The following ATP8A2 variants were observed in gnomAD, a reference collection of about 807,000 sequenced individuals.
The protein encoded by ATP8A2 is ATPase phospholipid transporting 8A2, also known as phospholipid-transporting ATPase IB.
In ATP8A2, 100 loss-of-function variants were observed where a neutral mutation model predicts 165.6. The ratio of observed to expected loss-of-function variants is 0.60; its 90% confidence interval spans 0.51 to 0.71. ATP8A2 has a LOEUF of 0.71. ATP8A2 is among the 30% of genes least tolerant of loss of function. ATP8A2 has a pLI of 0.00. For synonymous variants in ATP8A2, 543 were observed against 548.8 expected (o/e 0.99, Z 0.15); for missense variants, 1,227 against 1,479.5 (o/e 0.83, Z 2.80).
intron 24 of ATP8A2, among the ~76,000 whole-genome samples, chr13:25,632,321 C>G (rs1008927502): frequency 6.6e-6 from 1 of 152,100 alleles, no homozygotes; most frequent in African/African-American, 2.4e-5. Flanking sequence ...CCTTCAGCCC[C>G]TCCCCTCCCT....
chr13:25,572,930 T>C (rs770063778), intron 18 of ATP8A2, among the ~76,000 whole-genome samples: 18 of 152,244 alleles, frequency 1.2e-4, no homozygotes, highest in Non-Finnish European at 1.6e-4. Context: ...AAATATCTTA[T>C]CTTATACAAA....
At chr13:25,858,932 C>T (rs921749325) in intron 30 of ATP8A2, among the ~76,000 whole-genome samples, 1 of 152,030 alleles carries the variant, frequency 6.6e-6, no homozygotes, top group Non-Finnish European at 1.5e-5. Flanking sequence ...ATGCCAGGCA[C>T]GGTGGCTCAC....
At chr13:25,413,925 A>G (rs1386888051) in intron 1 of ATP8A2, among the ~76,000 whole-genome samples, 1 of 151,880 alleles carries the variant, frequency 6.6e-6, no homozygotes, top group African/African-American at 2.4e-5. Flanking sequence ...GATTGACTGA[A>G]AATCTTCAAT....
chr13:25,579,321 A>G (rs2039704155), intron 21 of ATP8A2, among the ~76,000 whole-genome samples: 1 of 152,200 alleles, frequency 6.6e-6, no homozygotes, highest in Non-Finnish European at 1.5e-5. Flanking sequence ...AGCGAATGTC[A>G]TGATAGCTGG....
chr13:25,895,956 C>T (rs1953532100), intron 33 of ATP8A2, among the ~76,000 whole-genome samples: 1 of 152,064 alleles, frequency 6.6e-6, no homozygotes, highest in Non-Finnish European at 1.5e-5. Flanking sequence ...AGCGGTCTAT[C>T]AATTTTGTTG....
At chr13:25,948,530 C>T (rs370521834) in intron 33 of ATP8A2, among the ~76,000 whole-genome samples, 12 of 152,252 alleles carry the variant, frequency 7.9e-5, no homozygotes, top group East Asian at 3.9e-4. Flanking sequence ...GCAGCCTGCT[C>T]ATGCTTGCTA....
At chr13:25,671,657 C>T (rs1194248772) in intron 24 of ATP8A2, among the ~76,000 whole-genome samples, 4 of 152,044 alleles carry the variant, frequency 2.6e-5, no homozygotes, top group Non-Finnish European at 5.9e-5. Flanking sequence ...GAAATTCCCA[C>T]CTAATAAATT....
chr13:25,471,495 C>T (rs982969644), intron 2 of ATP8A2, among the ~76,000 whole-genome samples: 20 of 151,958 alleles, frequency 1.3e-4, no homozygotes, highest in Non-Finnish European at 8.8e-5. Flanking sequence ...GGATTACAGG[C>T]GCCTGCCCAG....
chr13:25,862,335 C>T lies in ATP8A2; in HGVS notation c.3110C>T (p.Thr1037Ile), dbSNP rs1025554647. ...CTGGCTGTCTGGGGAAGCATGCTGACCTGGCTGGTGTTTTTTGGCATCTAC... is the reference window on the plus strand; with the variant it reads ...CTGGCTGTCTGGGGAAGCATGCTGATCTGGCTGGTGTTTTTTGGCATCTAC... ...SHLAVWGSMLTWLVFFGIYST... is the reference protein window; with the variant it reads ...SHLAVWGSMLIWLVFFGIYST... Residue 1037 changes from threonine (T) to isoleucine (I), a missense_variant, in exon 33 of 37, where the codon ACC (threonine) becomes ATC (isoleucine). By Grantham distance (89) the Thr-to-Ile change is moderately conservative. This residue lies in a region of ATP8A2 where 260 missense variants were observed against 245.1 expected (regional missense o/e 1.06). Coordinates refer to ENST00000381655, the MANE Select transcript of ATP8A2 (RefSeq NM_016529.6). The T allele has an allele frequency of 6.2e-7, 1 of 1,614,144 alleles. No homozygotes were observed.
chr13:25,599,603 G>C (rs905922393), intron 24 of ATP8A2, among the ~76,000 whole-genome samples: 4 of 152,174 alleles, frequency 2.6e-5, no homozygotes, highest in Admixed American at 2.6e-4. Context: ...TATCACTTGG[G>C]TTTTTCTTTT....
chr13:25,974,929 T>G (rs1955998317), intron 35 of ATP8A2, among the ~76,000 whole-genome samples: 1 of 152,108 alleles, frequency 6.6e-6, no homozygotes, highest in South Asian at 2.1e-4. Flanking sequence ...CATGCCACCT[T>G]CTGCCCTCAG....
At chr13:25,809,445 C>G (rs1285973681) in intron 27 of ATP8A2, among the ~76,000 whole-genome samples, 1 of 152,164 alleles carries the variant, frequency 6.6e-6, no homozygotes, top group Non-Finnish European at 1.5e-5. Flanking sequence ...CATCTCAACA[C>G]TCGTTCTTCC....
intron 24 of ATP8A2, among the ~76,000 whole-genome samples, chr13:25,649,961 G>T (rs2041771385): frequency 6.6e-6 from 1 of 152,128 alleles, no homozygotes; most frequent in South Asian, 2.1e-4. Flanking sequence ...ACCCCAGGTG[G>T]TCTAGTTGTG....
At chr13:25,892,580 C>CCT (rs55782604) in intron 33 of ATP8A2, among the ~76,000 whole-genome samples, 37,681 of 143,906 alleles carry the variant, frequency 0.26, 5,091 homozygotes, top group African/African-American at 0.37. Context: ...AATGGAAACA[C>CCT]CTCTCTCTCT....
At chr13:25,457,303 A>G (rs2035390355) in intron 1 of ATP8A2, among the ~76,000 whole-genome samples, 1 of 152,212 alleles carries the variant, frequency 6.6e-6, no homozygotes, top group South Asian at 2.1e-4. Context: ...TCAGTTAGTC[A>G]ACAGATATTT....
chr13:25,589,181 C>T (rs771824385), intron 23 of ATP8A2, among the ~76,000 whole-genome samples: 4 of 151,918 alleles, frequency 2.6e-5, no homozygotes, highest in Non-Finnish European at 5.9e-5. Flanking sequence ...AAATTTTTCA[C>T]AGGAAAAGTG....
chr13:25,898,322 C>T (rs190114023), intron 33 of ATP8A2, among the ~76,000 whole-genome samples: 68 of 152,304 alleles, frequency 4.5e-4, no homozygotes, highest in African/African-American at 1.5e-3. Context: ...GTATCAGCAG[C>T]GGTGGCTGCA....
intron 33 of ATP8A2, among the ~76,000 whole-genome samples, chr13:25,926,462 T>G (rs554652683): frequency 2.4e-4 from 37 of 152,210 alleles, no homozygotes; most frequent in Non-Finnish European, 4.1e-4. Context: ...TTTAATATAT[T>G]TGTTTTCCAA....
chr13:25,684,431 A>C (rs1290399006), intron 24 of ATP8A2, among the ~76,000 whole-genome samples: 1 of 152,172 alleles, frequency 6.6e-6, no homozygotes, highest in Non-Finnish European at 1.5e-5. Flanking sequence ...GCCTGGTTGC[A>C]TTGATCTGAT....
Sources: gnomAD v4.1 joint callset for allele counts (sites outside exome capture counted in the v4.1 genomes callset) on GRCh38, gnomAD v4.1.1 for gene constraint, gnomAD v4.1.1 regional missense constraint, MANE v1.5 for transcripts, NCBI Gene and HGNC (gene_info 2026-07-23, HGNC 2026-07-21) for gene names.